Variants in CRB1 observed in about 807,000 individuals in gnomAD.
The protein encoded by CRB1 is protein crumbs homolog 1.
Under a neutral mutation model 120.0 loss-of-function variants are expected in CRB1, and 83 were observed. The observed-to-expected ratio is 0.69, with a 90% confidence interval of 0.58 to 0.83. CRB1 has a LOEUF of 0.83. Among genes scored for constraint, CRB1 ranks in the 40% least tolerant of loss-of-function variants. CRB1 has a pLI of 0.00. For synonymous variants in CRB1, 625 were observed against 612.5 expected, an observed-to-expected ratio of 1.02 and a Z score of -0.30; for missense variants, 1,699 against 1,687.6, an observed-to-expected ratio of 1.01 and a Z score of -0.12.
At chr1:197,276,234 G>T (rs1655199514) in intron 1 of CRB1, among the ~76,000 whole-genome samples, 1 of 151,344 alleles carries the variant, frequency 6.6e-6, no homozygotes, top group Admixed American at 6.6e-5. Context: ...CGTACATGTA[G>T]GAATTAGCAT....
chr1:197,476,163 G>A (rs148535485), intron 11 of CRB1, among the ~76,000 whole-genome samples: 1 of 151,880 alleles, frequency 6.6e-6, no homozygotes, highest in African/African-American at 2.4e-5. Context: ...GCCCACCTCA[G>A]CTTCCGAAAG....
Position 197,433,026 on chromosome 1 carries a change from CT to C in CRB1, c.2843-1670del, listed in dbSNP as rs374919916. Among the ~76,000 whole-genome samples, 1,187 of 142,354 alleles carry C rather than the reference CT, an allele frequency of 8.3e-3. 15 individuals carry two copies. The highest frequency in any genetic ancestry group is 0.025 in the African/African-American group (980 of 38,640). 93.4% of individuals were successfully genotyped at this position (142,354 alleles called of 152,430 possible). On this transcript the variant is annotated intron_variant, in intron 8 of 11. Coordinates refer to ENST00000367400, the MANE Select transcript of CRB1 (RefSeq NM_201253.3). ...AATCAGGGGCCAGATCATGTAGATG[CT>C]TTTTTTTTTAACATGGCAAAATTTT...
rs190376124 is a variant in CRB1, at chr1:197,474,916, C to G, written c.4006-2748C>G. ...TTTCATCTGCTCTTCTGTGTCCCAG[C>G]CTTTTGACCTTTCAAGCCCAACTCT... On this transcript the variant is annotated intron_variant, in intron 11 of 11. Coordinates refer to ENST00000367400, the MANE Select transcript of CRB1 (RefSeq NM_201253.3). 2.6e-5 allele frequency among the ~76,000 whole-genome samples: 4 copies of G among 152,246 alleles called. 1 individual carries two copies. The South Asian group carries it at 8.3e-4, about 32-fold the overall frequency.
intron 11 of CRB1, among the ~76,000 whole-genome samples, chr1:197,473,425 A>G (rs1373866875): frequency 6.6e-6 from 1 of 152,208 alleles, no homozygotes; most frequent in Non-Finnish European, 1.5e-5. Context: ...CTTGGGTCCT[A>G]TATAGGCCAG....
chr1:197,279,242 G>C (rs1206861937), intron 1 of CRB1, among the ~76,000 whole-genome samples: 1 of 151,606 alleles, frequency 6.6e-6, no homozygotes, highest in Non-Finnish European at 1.5e-5. Flanking sequence ...AGGAAAGAGA[G>C]GAAAAATGAA....
At chr1:197,300,904 G>T (rs1656823937) in intron 1 of CRB1, among the ~76,000 whole-genome samples, 1 of 151,984 alleles carries the variant, frequency 6.6e-6, no homozygotes, top group African/African-American at 2.4e-5. Flanking sequence ...CTTACAAATG[G>T]TGCTAAATCT....
At chr1:197,256,528 T>C in the CRB1 span, among the ~76,000 whole-genome samples, 62 of 152,238 alleles carry the variant, frequency 4.1e-4, no homozygotes, top group South Asian at 0.012. Context: ...AGACACTTCT[T>C]AAAATTTAAT....
At chr1:197,355,356 C>T (rs1660406567) in intron 4 of CRB1, among the ~76,000 whole-genome samples, 3 of 152,198 alleles carry the variant, frequency 2.0e-5, no homozygotes, top group Non-Finnish European at 2.9e-5. Context: ...ACGCAGGGGC[C>T]GCAGGTGGAG....
chr1:197,228,713 C>A, the CRB1 span, among the ~76,000 whole-genome samples: 3 of 152,146 alleles, frequency 2.0e-5, no homozygotes, highest in African/African-American at 7.2e-5. Context: ...TTTTCAGCAA[C>A]GCCCTGCTCT....
intron 11 of CRB1, among the ~76,000 whole-genome samples, chr1:197,461,313 A>G (rs1666520354): frequency 6.6e-6 from 1 of 152,154 alleles, no homozygotes; most frequent in Admixed American, 6.6e-5. Context: ...ACAGAAAAGG[A>G]GTATTTCATA....
At position 197,391,634 on chromosome 1, in the gene CRB1, A is replaced by G. The variant is rs532104140; in HGVS notation, c.1172-29366A>G. 4.1e-4 allele frequency among the ~76,000 whole-genome samples: 62 copies of G among 152,214 alleles called. 1 individual carries two copies. The Middle Eastern group carries it at 0.01, about 25-fold the overall frequency. On this transcript the variant is annotated intron_variant, in intron 5 of 11. Transcript: ENST00000367400. Reference sequence around the variant, plus strand: ...TTTACTTCTGATAGTTGCATCCTGGAACTTTATAATAAATTCGACTCTTGG... The same window carrying G: ...TTTACTTCTGATAGTTGCATCCTGGGACTTTATAATAAATTCGACTCTTGG...
At chr1:197,302,057 A>G (rs1656895930) in intron 1 of CRB1, among the ~76,000 whole-genome samples, 1 of 152,222 alleles carries the variant, frequency 6.6e-6, no homozygotes, top group Non-Finnish European at 1.5e-5. Context: ...AAATATTATC[A>G]AAAAGCACAG....
chr1:197,392,514 G>T (rs1662556845), intron 5 of CRB1, among the ~76,000 whole-genome samples: 1 of 152,080 alleles, frequency 6.6e-6, no homozygotes, highest in Non-Finnish European at 1.5e-5. Flanking sequence ...GAGCTGTAAA[G>T]AAATAGGTTA....
chr1:197,217,042 TAAA>T, the CRB1 span, among the ~76,000 whole-genome samples: 1 of 151,672 alleles, frequency 6.6e-6, no homozygotes, highest in Non-Finnish European at 1.5e-5. Context: ...AAATCAATAA[TAAA>T]AAACAACCCA....
At chr1:197,443,495 G>A (rs554859324) in intron 11 of CRB1, 1 of 151,756 alleles carries the variant, frequency 6.6e-6, no homozygotes, top group African/African-American at 2.4e-5. Flanking sequence ...ACTAATTTCA[G>A]TTGCTTTTCA....
chr1:197,293,779 C>T (rs1192369698), intron 1 of CRB1, among the ~76,000 whole-genome samples: 1 of 152,148 alleles, frequency 6.6e-6, no homozygotes, highest in Non-Finnish European at 1.5e-5. Context: ...ACCATCTGAT[C>T]TTTGACAAAC....
intron 8 of CRB1, among the ~76,000 whole-genome samples, chr1:197,429,972 G>A (rs1454709626): frequency 1.3e-5 from 2 of 152,096 alleles, no homozygotes; most frequent in African/African-American, 2.4e-5. Flanking sequence ...GAGGCCTCAG[G>A]CAATTCATGT....
chr1:197,268,239 C>A, upstream of CRB1: 3 of 626,276 alleles, frequency 4.8e-6, no homozygotes, highest in Non-Finnish European at 5.8e-6. Context: ...GCACAAACTG[C>A]ATTTTGAATC....
At chr1:197,213,025 T>C in the CRB1 span, among the ~76,000 whole-genome samples, 20 of 152,244 alleles carry the variant, frequency 1.3e-4, no homozygotes, top group African/African-American at 4.6e-4. Context: ...GTATAAAAAT[T>C]GAAACTATGA....
Sources: gnomAD v4.1 joint callset for allele counts (sites outside exome capture counted in the v4.1 genomes callset) on GRCh38, gnomAD v4.1.1 for gene constraint, MANE v1.5 for transcripts, NCBI Gene and HGNC (gene_info 2026-07-23, HGNC 2026-07-21) for gene names.